The following CCT4 variants were observed in gnomAD, a reference collection of about 807,000 sequenced individuals.
The protein encoded by CCT4 is T-complex protein 1 subunit delta.
CCT4 carries 17 observed loss-of-function variants against 62.5 expected under a neutral mutation model. The ratio of observed to expected loss-of-function variants is 0.27; its 90% CI spans 0.19 to 0.41. CCT4 has a LOEUF of 0.41. Among genes scored for constraint, CCT4 ranks in the 10% least tolerant of loss-of-function variants. CCT4 has a pLI of 1.00. For synonymous variants in CCT4, 250 were observed against 229.9 expected (o/e 1.09, Z -0.79); for missense variants, 592 against 659.2 (o/e 0.90, Z 1.12).
intron 2 of CCT4, among the ~76,000 whole-genome samples, chr2:61,884,817 A>G (rs944276924): frequency 6.6e-6 from 1 of 151,686 alleles, no homozygotes; most frequent in Non-Finnish European, 1.5e-5. Context: ...TAGTAGACAT[A>G]GGGTTTCTCC....
At chr2:61,878,764 C>A in intron 5 of CCT4, 105 bp downstream of exon 5, 1 of 704,654 alleles carries the variant, frequency 1.4e-6, no homozygotes, top group Admixed American at 3.4e-5. Flanking sequence ...TAACAGTTAC[C>A]TAGCCACTCT....
chr2:61,868,775 G>T, intron 13 of CCT4, 69 bp from the exon 14 acceptor site: 1 of 1,106,236 alleles, frequency 9.0e-7, no homozygotes, highest in Non-Finnish European at 1.4e-6. Flanking sequence ...AATGTTTAAG[G>T]CAATTAATAA....
At position 61,868,670 on chromosome 2, in the gene CCT4, T is replaced by C; in HGVS notation, c.*22A>G. Reference sequence around the variant, plus strand: ...CCAGCCACAATACTGGTGATCATAATGGTGCTAGTCAGTTATCCAGATTAT... The same window carrying C: ...CCAGCCACAATACTGGTGATCATAACGGTGCTAGTCAGTTATCCAGATTAT... On this transcript the variant is annotated 3_prime_UTR_variant, in exon 14 of 14. Transcript: ENST00000394440. 1.9e-6 allele frequency: 3 copies of C among 1,570,038 alleles called. No homozygotes were observed. Among genetic ancestry groups the C allele is most frequent in the South Asian group, 1.1e-5 (1 of 90,160 alleles).
Position 61,868,505 on chromosome 2 carries a change from C to T in CCT4, c.*187G>A. On this transcript the variant is annotated 3_prime_UTR_variant, in exon 14 of 14. Transcript: ENST00000394440. ...AGAATGTTGGGAGAAGATAAATCTG[C>T]CTTTTGAAACCAAATATTTAATATT... is the stretch of plus-strand genomic sequence containing the variant. 2.0e-6 allele frequency: 1 copy of T among 506,244 alleles called. No homozygotes were observed. Among genetic ancestry groups the T allele is most frequent in the South Asian group, 3.5e-5 (1 of 28,966 alleles). 31.4% of individuals were successfully genotyped at this position (506,244 alleles called of 1,614,324 possible).
At chr2:61,881,876 A>C (rs1669123127) in intron 3 of CCT4, among the ~76,000 whole-genome samples, 1 of 145,978 alleles carries the variant, frequency 6.9e-6, no homozygotes, top group Non-Finnish European at 1.6e-5. Context: ...TTTGTAAAAA[A>C]AAAAAATTTT....
Position 61,878,890 on chromosome 2 carries a change from T to G in CCT4, c.501A>C (p.Ala167=). The change falls in exon 5 of 14, where the codon GCA becomes GCC. Residue 167 remains alanine, a synonymous_variant. Coordinates refer to ENST00000394440, the MANE Select transcript of CCT4 (RefSeq NM_006430.4). The stretch of plus-strand genomic sequence containing the variant: ...TCACCTTTGAGTTCAGTGAAGTGGT[T>G]GCACTATTTAACAAAGTTTCTCTGT... The part of the protein sequence containing the change: ...LSDRETLLNS[A]TTSLNSKVVS... 1 of 1,610,088 alleles carries G rather than the reference T, an allele frequency of 6.2e-7. No homozygotes were observed. The highest frequency in any genetic ancestry group is 1.3e-5 in the African/African-American group (1 of 74,908).
chr2:61,873,418 A>C (rs902226626), intron 8 of CCT4, 125 bp from the exon 9 acceptor site: 22 of 590,384 alleles, frequency 3.7e-5, no homozygotes, highest in African/African-American at 2.6e-4. Context: ...AAAATGCTTT[A>C]GTTTACTAAG....
Position 61,873,300 on chromosome 2 carries a change from T to C in CCT4, c.918-7A>G. The C allele has an allele frequency of 4.1e-6, 6 of 1,477,098 alleles. No individual in the cohort carries two copies. The highest frequency in any genetic ancestry group is 2.3e-5 in the East Asian group (1 of 44,320). The allele number at this position is 1,477,098 out of a possible 1,614,324, so 91.5% of individuals were successfully genotyped here. On this transcript the variant is annotated splice_region_variant and splice_polypyrimidine_tract_variant and intron_variant, in intron 8 of 13. Transcript: ENST00000394440. ...AAGATCACTAAGAGCATCTCTAAAA[T>C]ACAAAATCAGTGATTATGTCAATGC... is the stretch of plus-strand genomic sequence containing the variant.
chr2:61,869,331 G>C, intron 13 of CCT4, 109 bp downstream of exon 13: 1 of 647,756 alleles, frequency 1.5e-6, no homozygotes, highest in Non-Finnish European at 2.8e-6. Context: ...GCAAAACTTT[G>C]TCTCAAAAAA....
intron 8 of CCT4, among the ~76,000 whole-genome samples, chr2:61,873,590 A>G (rs1300884628): frequency 6.6e-6 from 1 of 151,982 alleles, no homozygotes; most frequent in African/African-American, 2.4e-5. Context: ...TTGAGATGGA[A>G]TTTCGCTCTT....
intron 8 of CCT4, among the ~76,000 whole-genome samples, chr2:61,874,244 C>G (rs1194477556): frequency 6.6e-6 from 1 of 152,150 alleles, no homozygotes; most frequent in Non-Finnish European, 1.5e-5. Flanking sequence ...ACCAAGTCTT[C>G]TGAGTCTTCA....
At chr2:61,870,567 G>A (rs1196339288) in intron 12 of CCT4, among the ~76,000 whole-genome samples, 4 of 152,030 alleles carry the variant, frequency 2.6e-5, no homozygotes, top group Non-Finnish European at 5.9e-5. Flanking sequence ...CCTCTAACAG[G>A]CATCCTTACT....
chr2:61,869,008 G>A (rs1668828854), intron 13 of CCT4: 2 of 363,806 alleles, frequency 5.5e-6, no homozygotes, highest in Admixed American at 7.7e-5. Flanking sequence ...GGTGGCACAT[G>A]CCTGTAATCC....
At chr2:61,881,000 C>T (rs564688043) in intron 3 of CCT4, among the ~76,000 whole-genome samples, 19 of 152,294 alleles carry the variant, frequency 1.2e-4, no homozygotes, top group African/African-American at 4.6e-4. Context: ...GCTGAGATTA[C>T]AGGCATGAAC....
intron 8 of CCT4, among the ~76,000 whole-genome samples, chr2:61,875,604 A>T (rs907897103): frequency 1.3e-5 from 2 of 151,476 alleles, no homozygotes; most frequent in African/African-American, 4.8e-5. Flanking sequence ...AAAAAAAATT[A>T]AAAAAAATTG....
At chr2:61,871,258 A>G (rs1300330885) in intron 12 of CCT4, among the ~76,000 whole-genome samples, 1 of 151,850 alleles carries the variant, frequency 6.6e-6, no homozygotes, top group African/African-American at 2.4e-5. Context: ...GGCTAGTCTC[A>G]AACTCTTGCC....
chr2:61,874,056 T>C (rs1239139100), intron 8 of CCT4, among the ~76,000 whole-genome samples: 1 of 152,148 alleles, frequency 6.6e-6, no homozygotes, highest in Non-Finnish European at 1.5e-5. Flanking sequence ...TAATACTTCA[T>C]GAATTTAGAA....
chr2:61,885,497 G>A lies in CCT4; in HGVS notation c.128-425C>T, dbSNP rs548777374. Among the ~76,000 whole-genome samples, 19 of 152,118 alleles carry A rather than the reference G, an allele frequency of 1.2e-4. 1 individual carries two copies. The South Asian group carries it at 3.9e-3, about 32-fold the overall frequency. On this transcript the variant is annotated intron_variant, in intron 1 of 13. Transcript: ENST00000394440. ...GCAATCTCGGCTCACTGCAACCTCC[G>A]CCTCCTGAGTTCAAGTGATTCTTCC...
At chr2:61,869,608 C>T in intron 12 of CCT4, 55 bp from the exon 13 acceptor site, 1 of 932,634 alleles carries the variant, frequency 1.1e-6, no homozygotes, top group Non-Finnish European at 1.8e-6. Flanking sequence ...TACACATCAG[C>T]AGCCACGTGG....
Sources: gnomAD v4.1 joint callset for allele counts (sites outside exome capture counted in the v4.1 genomes callset) on GRCh38, gnomAD v4.1.1 for gene constraint, MANE v1.5 for transcripts, NCBI Gene and HGNC (gene_info 2026-07-23, HGNC 2026-07-21) for gene names.